ATP6V1E1: variants seen among roughly 807,000 people sequenced by gnomAD.
ATP6V1E1 encodes V-type proton ATPase subunit E 1.
Under a neutral mutation model 35.2 loss-of-function variants are expected in ATP6V1E1, and 21 were observed. The observed-to-expected ratio is 0.60, with a 90% CI of 0.42 to 0.86. ATP6V1E1 has a LOEUF of 0.86. Among genes scored for constraint, ATP6V1E1 ranks in the 40% least tolerant of loss-of-function variants. The pLI, the probability that ATP6V1E1 is intolerant of heterozygous loss-of-function variation, is 0.00. For missense variants in ATP6V1E1, 183 were observed against 272.6 expected (o/e 0.67, Z 2.32); for synonymous variants, 83 against 87.8 (o/e 0.95, Z 0.30).
At chr22:17,616,556 G>C (rs562719708) in intron 2 of ATP6V1E1, among the ~76,000 whole-genome samples, 2 of 151,636 alleles carry the variant, frequency 1.3e-5, no homozygotes, top group African/African-American at 4.8e-5. Context: ...GCATGCGCCT[G>C]TAGTCCCAGC....
chr22:17,620,989 G>C (rs1314575874), intron 1 of ATP6V1E1, among the ~76,000 whole-genome samples: 1 of 152,048 alleles, frequency 6.6e-6, no homozygotes, highest in Non-Finnish European at 1.5e-5. Flanking sequence ...GTGAACCCGG[G>C]AGGCGAAGCT....
chr22:17,612,049 G>A (rs960953324), intron 4 of ATP6V1E1, among the ~76,000 whole-genome samples: 1 of 152,226 alleles, frequency 6.6e-6, no homozygotes, highest in Non-Finnish European at 1.5e-5. Context: ...TTCCTATTGT[G>A]TTTGTAGCCA....
At chr22:17,621,128 G>A (rs1028648390) in intron 1 of ATP6V1E1, among the ~76,000 whole-genome samples, 8 of 151,980 alleles carry the variant, frequency 5.3e-5, no homozygotes, top group Non-Finnish European at 1.0e-4. Flanking sequence ...CATAGTCCTT[G>A]CCATCATCTC....
At chr22:17,618,851 T>C (rs1001162246) in intron 2 of ATP6V1E1, among the ~76,000 whole-genome samples, 7 of 151,574 alleles carry the variant, frequency 4.6e-5, no homozygotes, top group African/African-American at 1.7e-4. Flanking sequence ...AATACAAAAA[T>C]TAGACAGGTG....
intron 8 of ATP6V1E1, among the ~76,000 whole-genome samples, chr22:17,593,476 C>T (rs1290616687): frequency 6.6e-6 from 1 of 152,152 alleles, no homozygotes; most frequent in Non-Finnish European, 1.5e-5. Flanking sequence ...CTGATGAATC[C>T]TTAGGAGAAC....
At chr22:17,618,362 AATTT>A (rs370093556) in intron 2 of ATP6V1E1, among the ~76,000 whole-genome samples, 30 of 152,302 alleles carry the variant, frequency 2.0e-4, no homozygotes, top group African/African-American at 7.0e-4. Context: ...TCCAATGAGG[AATTT>A]ATTAAGGTAA....
At chr22:17,601,269 A>G (rs2057760521) in intron 4 of ATP6V1E1, 88 bp from the exon 5 acceptor site, 1 of 979,430 alleles carries the variant, frequency 1.0e-6, no homozygotes, top group Admixed American at 2.2e-5. Context: ...GCTCATGCCC[A>G]GCTGCCTCAC....
At chr22:17,625,932 CACA>C (rs1430827483) in intron 1 of ATP6V1E1, among the ~76,000 whole-genome samples, 1 of 151,748 alleles carries the variant, frequency 6.6e-6, no homozygotes, top group Non-Finnish European at 1.5e-5. Flanking sequence ...TCACGACTTC[CACA>C]ACAATTTTTT....
intron 1 of ATP6V1E1, among the ~76,000 whole-genome samples, chr22:17,621,634 C>T (rs1285049342): frequency 6.6e-6 from 1 of 152,112 alleles, no homozygotes; most frequent in Non-Finnish European, 1.5e-5. Flanking sequence ...ACAACAAACC[C>T]TTCACTACTC....
chr22:17,600,789 A>G, intron 5 of ATP6V1E1: 1 of 197,312 alleles, frequency 5.1e-6, no homozygotes. Flanking sequence ...GGCAAAATCA[A>G]ATTAAGGGAA....
chr22:17,600,444 AAAAAT>A (rs1002939517), intron 5 of ATP6V1E1, among the ~76,000 whole-genome samples: 20 of 152,280 alleles, frequency 1.3e-4, no homozygotes, highest in African/African-American at 4.8e-4. Context: ...CTCCAAAAAT[AAAAAT>A]AAAATAAAAT....
At chr22:17,621,533 G>A (rs1427644381) in intron 1 of ATP6V1E1, among the ~76,000 whole-genome samples, 1 of 152,110 alleles carries the variant, frequency 6.6e-6, no homozygotes, top group Non-Finnish European at 1.5e-5. Context: ...GGGCTCAAGC[G>A]ATCCTCCTGC....
intron 7 of ATP6V1E1, among the ~76,000 whole-genome samples, chr22:17,596,863 C>T (rs1053405497): frequency 3.9e-4 from 59 of 152,162 alleles, no homozygotes; most frequent in African/African-American, 1.4e-3. Flanking sequence ...TGAATTCAGT[C>T]TCCAGGTCCC....
At chr22:17,601,309 C>T in intron 4 of ATP6V1E1, 128 bp from the exon 5 acceptor site, 1 of 696,684 alleles carries the variant, frequency 1.4e-6, no homozygotes, top group Non-Finnish European at 2.4e-6. Context: ...ATTCAACACA[C>T]ATTCCCTGAG....
intron 4 of ATP6V1E1, among the ~76,000 whole-genome samples, chr22:17,604,840 C>T (rs1254738039): frequency 6.6e-6 from 1 of 152,048 alleles, no homozygotes; most frequent in Non-Finnish European, 1.5e-5. Flanking sequence ...TCTATTTCAT[C>T]TCTAACCACA....
In ATP6V1E1 at chr22:17,594,666, G is replaced by A; in HGVS notation, c.531-50C>T. ...TAATCATTTTCAAAGACTTGAGAAA[G>A]ATACATGGTACCCTTTACTCCCGCA... is the stretch of plus-strand genomic sequence containing the variant. On this transcript the variant is annotated intron_variant, in intron 7 of 8. Coordinates refer to ENST00000253413, the MANE Select transcript of ATP6V1E1 (RefSeq NM_001696.4). The A allele has an allele frequency of 2.8e-6, 4 of 1,440,986 alleles. No homozygotes were observed. In the African/African-American group the frequency reaches 4.3e-5, roughly 15 times the overall value. 89.3% of individuals were successfully genotyped at this position (1,440,986 alleles called of 1,614,324 possible). A position where few individuals can be genotyped will look rare whatever the true frequency, so the allele number is the denominator to read the frequency against.
rs1347073175 is a variant in ATP6V1E1 at position 17,617,042 on chromosome 22, C to A, written c.99+2419G>T. On this transcript the variant is annotated intron_variant, in intron 2 of 8. Coordinates refer to ENST00000253413, the MANE Select transcript of ATP6V1E1 (RefSeq NM_001696.4). The stretch of plus-strand genomic sequence containing the variant: ...CAGCCTGGGCGACAGAGCGAGACTC[C>A]GTCTCAAAAAAAAAAAAAAAAGAGT... 6.5e-5 allele frequency among the ~76,000 whole-genome samples: 4 copies of A among 61,694 alleles called. 1 individual carries two copies. The East Asian group carries it at 1.3e-3, about 20-fold the overall frequency. 40.5% of individuals were successfully genotyped at this position (61,694 alleles called of 152,430 possible).
intron 4 of ATP6V1E1, 153 bp downstream of exon 4, chr22:17,612,659 T>C (rs2057821075): frequency 1.4e-6 from 1 of 705,188 alleles, no homozygotes; most frequent in Non-Finnish European, 2.3e-6. Flanking sequence ...AGGCCTTGGC[T>C]CTTATTCACT....
chr22:17,601,958 G>A (rs1423176972), intron 4 of ATP6V1E1, among the ~76,000 whole-genome samples: 4 of 152,118 alleles, frequency 2.6e-5, no homozygotes, highest in Admixed American at 1.3e-4. Context: ...AGGCTGCAGT[G>A]CAGTGATACA....
Sources: gnomAD v4.1 joint callset for allele counts (sites outside exome capture counted in the v4.1 genomes callset) on GRCh38, gnomAD v4.1.1 for gene constraint, MANE v1.5 for transcripts, NCBI Gene and HGNC (gene_info 2026-07-23, HGNC 2026-07-21) for gene names.